Variants in ZPR1 observed in about 807,000 individuals in gnomAD.
ZPR1 encodes the protein zinc finger protein ZPR1.
Under a neutral mutation model 59.6 loss-of-function variants are expected in ZPR1, and 37 were observed. The ratio of observed to expected loss-of-function variants is 0.62; its 90% CI spans 0.48 to 0.82. The LOEUF (loss-of-function observed/expected upper bound fraction) is 0.82. ZPR1 is among the 40% of genes least tolerant of loss of function. ZPR1 has a pLI of 0.00. For missense variants in ZPR1, 527 were observed against 579.9 expected (o/e 0.91, Z 0.94); for synonymous variants, 191 against 215.2 (o/e 0.89, Z 0.99).
At chr11:116,787,269 T>C (rs953866389) in intron 2 of ZPR1, 2 of 664,860 alleles carry the variant, frequency 3.0e-6, no homozygotes, top group African/African-American at 3.6e-5. Flanking sequence ...CAACTACTGC[T>C]CATTTCATAC....
At chr11:116,784,322 T>C in intron 9 of ZPR1, 56 bp downstream of exon 9, 1 of 1,579,020 alleles carries the variant, frequency 6.3e-7, no homozygotes, top group Non-Finnish European at 8.7e-7. Flanking sequence ...AGAATGATAG[T>C]TAAAAGGGGG....
At chr11:116,785,277 G>C in intron 6 of ZPR1, 131 bp from the exon 7 acceptor site, 1 of 1,157,042 alleles carries the variant, frequency 8.6e-7, no homozygotes, top group Non-Finnish European at 1.2e-6. Context: ...ATCAGTTAGA[G>C]AAACCACAAA....
rs1940908673 is a variant in ZPR1 at position 116,787,598 on chromosome 11, T to C, written c.217A>G (p.Ile73Val). 7 of 1,614,164 alleles carry C rather than the reference T, an allele frequency of 4.3e-6. No homozygotes were observed. Among genetic ancestry groups the C allele is most frequent in the African/African-American group, 1.3e-5 (1 of 75,070 alleles). ...TCGCAGGAAAAGGAGCTCACTATTA[T>C]TTCTCTGAAGAAGGGAATCTTGGTG... is the stretch of plus-strand genomic sequence containing the variant. ...LLTKIPFFREIIVSSFSCEHC... is the reference protein window; with the variant it reads ...LLTKIPFFREVIVSSFSCEHC... The change falls in exon 2 of 14, where the codon ATA (isoleucine) becomes GTA (valine). Residue 73 changes from isoleucine (I) to valine (V), a missense_variant. Coordinates refer to ENST00000227322, the MANE Select transcript of ZPR1 (RefSeq NM_003904.5).
At position 116,774,699 on chromosome 11, in the gene ZPR1, C is replaced by T. The variant is rs923145447; in HGVS notation, c.*4226G>A. The T allele has an allele frequency of 5.3e-5, 8 of 152,224 alleles. No homozygotes were observed. The highest frequency in any genetic ancestry group is 1.9e-4 in the African/African-American group (8 of 41,426). 9.4% of individuals were successfully genotyped at this position (152,224 alleles called of 1,614,324 possible). A position where few individuals can be genotyped will look rare whatever the true frequency, so the allele number is the denominator to read the frequency against. ...GGGCTTGTGAGACGAGGACGCTGGG[C>T]TGAGAAGATAGGGCTTCACTAGGCG... On this transcript the variant is annotated 3_prime_UTR_variant, in exon 14 of 14. Transcript: ENST00000227322.
chr11:116,779,660 G>C lies in ZPR1; in HGVS notation c.1245+112C>G, dbSNP rs1940774563. 3.8e-6 allele frequency: 3 copies of C among 784,658 alleles called. No homozygotes were observed. The African/African-American group carries it at 5.3e-5, about 14-fold the overall frequency. The allele number at this position is 784,658 out of a possible 1,614,324, so 48.6% of individuals were successfully genotyped here. ...GTATCTTCTAACTTCTGCCTCCTTG[G>C]TAAAAAGCAGTCCATTTAGAATCAA... On this transcript the variant is annotated intron_variant, in intron 13 of 13. Transcript: ENST00000227322.
In ZPR1 at chr11:116,779,717, T is replaced by C. The variant is rs1940775330; in HGVS notation, c.1245+55A>G. 6.0e-6 allele frequency: 8 copies of C among 1,326,810 alleles called. No individual in the cohort carries two copies. In the South Asian group the frequency reaches 9.9e-5, roughly 16 times the overall value. 82.2% of individuals were successfully genotyped at this position (1,326,810 alleles called of 1,614,324 possible). ...CAGTTTCTAGGGAAATGATACATAT[T>C]CAAGGAAGATCAGAAAATGTATCTC... On this transcript the variant is annotated intron_variant, in intron 13 of 13. Transcript: ENST00000227322.
In ZPR1 at chr11:116,786,558, T is replaced by G. The variant is rs572979185; in HGVS notation, c.448A>C (p.Ile150Leu). ...TCCAGGCCAGAGATAGCACGGGTGA[T>G]CAATCCTTCAACAGTGGTCAGAGCT... ...KGALTTVEGLITRAISGLEQD... is the reference protein window; with the variant it reads ...KGALTTVEGLLTRAISGLEQD... Residue 150 changes from isoleucine to leucine, a missense_variant, in exon 4 of 14, where the codon ATC becomes CTC. Coordinates refer to ENST00000227322, the MANE Select transcript of ZPR1 (RefSeq NM_003904.5). 1 of 1,614,204 alleles carries G rather than the reference T, an allele frequency of 6.2e-7. No homozygotes were observed. The highest frequency in any genetic ancestry group is 8.5e-7 in the Non-Finnish European group (1 of 1,180,036).
rs1011769421 is a variant in ZPR1 at position 116,777,753 on chromosome 11, C to A, written c.*1172G>T. ...TGAACTGGTCTTTATTGAACAAATA[C>A]CCTGCAGTCTGCACCACAGGAGTCA... is the stretch of plus-strand genomic sequence containing the variant. On this transcript the variant is annotated 3_prime_UTR_variant, in exon 14 of 14. Coordinates refer to ENST00000227322, the MANE Select transcript of ZPR1 (RefSeq NM_003904.5). The A allele has an allele frequency of 4.6e-5, 7 of 151,922 alleles. No homozygotes were observed. The highest frequency in any genetic ancestry group is 1.7e-4 in the African/African-American group (7 of 41,330). 9.4% of individuals were successfully genotyped at this position (151,922 alleles called of 1,614,324 possible).
rs1565321754 is a variant in ZPR1 at position 116,784,594 on chromosome 11, G to A, written c.821-146C>T. 5.6e-6 allele frequency: 5 copies of A among 890,578 alleles called. No homozygotes were observed. The East Asian group carries it at 1.0e-4, about 18-fold the overall frequency. 55.2% of individuals were successfully genotyped at this position (890,578 alleles called of 1,614,324 possible). ...AGGCAGCCCACAGAGTCCTCCAGAA[G>A]AGGGCAAGTTCCCAACCCATGGCAA... On this transcript the variant is annotated intron_variant, in intron 8 of 13. Coordinates refer to ENST00000227322, the MANE Select transcript of ZPR1 (RefSeq NM_003904.5).
In ZPR1 at chr11:116,784,689, T is replaced by C. The variant is rs368455614; in HGVS notation, c.820+166A>G. On this transcript the variant is annotated intron_variant, in intron 8 of 13. Transcript: ENST00000227322. ...CAGCCTAGTGACCATGGCCTAATTT[T>C]CTCTTTGAACACAAAACCCAAGGTA... Among the ~76,000 whole-genome samples the C allele has an allele frequency of 1.9e-4, 29 of 152,242 alleles. No homozygotes were observed. The South Asian group carries it at 6.0e-3, about 32-fold the overall frequency.
At position 116,785,622 on chromosome 11, in the gene ZPR1, G is replaced by A. The variant is rs1940873725; in HGVS notation, c.597C>T (p.Pro199=). 6.2e-7 allele frequency: 1 copy of A among 1,614,074 alleles called. No individual in the cohort carries two copies. The highest frequency in any genetic ancestry group is 1.6e-4 in the Middle Eastern group (1 of 6,062). ...ASPFTLIIDD[P]SGNSFVENPH... Reference sequence around the variant, plus strand: ...GGTTTTCCACAAAACTGTTCCCTGAGGGATCATCAATGATCTAACAAATGG... The same window carrying A: ...GGTTTTCCACAAAACTGTTCCCTGAAGGATCATCAATGATCTAACAAATGG... The change falls in exon 6 of 14, where the codon CCC becomes CCT. Residue 199 remains proline (P), a synonymous_variant. Coordinates refer to ENST00000227322, the MANE Select transcript of ZPR1 (RefSeq NM_003904.5).
rs1423773650 is a variant in ZPR1, at chr11:116,773,978, G to C, written c.*4947C>G. 6.6e-6 allele frequency: 1 copy of C among 152,152 alleles called. No homozygotes were observed. The highest frequency in any genetic ancestry group is 1.5e-5 in the Non-Finnish European group (1 of 68,032). The allele number at this position is 152,152 out of a possible 1,614,324, so 9.4% of individuals were successfully genotyped here. On this transcript the variant is annotated 3_prime_UTR_variant, in exon 14 of 14. Coordinates refer to ENST00000227322, the MANE Select transcript of ZPR1 (RefSeq NM_003904.5). Reference sequence around the variant, plus strand: ...CACATAGTCAGAACATGACTCTAGGGAGTAGAGGCTAGCGAAGTGGGGTGC... The same window carrying C: ...CACATAGTCAGAACATGACTCTAGGCAGTAGAGGCTAGCGAAGTGGGGTGC...
chr11:116,784,159 C>A (rs1183932439), intron 9 of ZPR1, among the ~76,000 whole-genome samples: 1 of 152,152 alleles, frequency 6.6e-6, no homozygotes, highest in Non-Finnish European at 1.5e-5. Context: ...TATCATCAAC[C>A]TTTAATATGT....
At chr11:116,785,247 G>T (rs988776714) in intron 6 of ZPR1, 101 bp from the exon 7 acceptor site, 53 of 1,319,350 alleles carry the variant, frequency 4.0e-5, no homozygotes, top group Non-Finnish European at 5.5e-5. Context: ...CACCTCATCA[G>T]TTATGTCAGG....
At chr11:116,779,573 T>A (rs1940773168) in intron 13 of ZPR1, among the ~76,000 whole-genome samples, 199 bp downstream of exon 13, 1 of 151,964 alleles carries the variant, frequency 6.6e-6, no homozygotes, top group South Asian at 2.1e-4. Flanking sequence ...CCTTTTTTTT[T>A]CCTTCTTTAC....
intron 9 of ZPR1, 101 bp downstream of exon 9, chr11:116,784,277 A>G: frequency 7.9e-7 from 1 of 1,260,510 alleles, no homozygotes; most frequent in Non-Finnish European, 1.2e-6. Flanking sequence ...AAGCTACTCT[A>G]CACCCCCTGC....
chr11:116,785,369 C>T (rs896211353), intron 6 of ZPR1, 145 bp downstream of exon 6: 17 of 1,291,158 alleles, frequency 1.3e-5, no homozygotes, highest in Middle Eastern at 2.7e-4. Context: ...TTACCCAAGT[C>T]CTGGACATAA....
In ZPR1 at chr11:116,776,649, G is replaced by C. The variant is rs1940728621; in HGVS notation, c.*2276C>G. The C allele has an allele frequency of 6.6e-6, 1 of 152,204 alleles. No homozygotes were observed. The highest frequency in any genetic ancestry group is 2.4e-5 in the African/African-American group (1 of 41,446). The allele number at this position is 152,204 out of a possible 1,614,324, so 9.4% of individuals were successfully genotyped here. ...CTCAGTCTTCAAGTTCAGAAACTCA[G>C]GTCATCATTTCCTAGGAACTGGGTG... On this transcript the variant is annotated 3_prime_UTR_variant, in exon 14 of 14. Transcript: ENST00000227322.
chr11:116,786,713 G>T, intron 3 of ZPR1, 132 bp from the exon 4 acceptor site: 1 of 788,594 alleles, frequency 1.3e-6, no homozygotes, highest in Non-Finnish European at 2.1e-6. Flanking sequence ...AAGGCCAGGT[G>T]CAAGGTTCCA....
Sources: allele counts gnomAD v4.1 joint callset (sites outside exome capture counted in the v4.1 genomes callset), GRCh38; gene constraint gnomAD v4.1.1; transcripts MANE v1.5; gene names NCBI Gene and HGNC (gene_info 2026-07-23, HGNC 2026-07-21).